The following PKIB variants were observed in gnomAD, a reference collection of about 807,000 sequenced individuals.
PKIB encodes the protein cAMP-dependent protein kinase inhibitor beta.
In PKIB, 2 loss-of-function variants were observed where a neutral mutation model predicts 4.5. The ratio of observed to expected loss-of-function variants is 0.44; its 90% confidence interval spans 0.18 to 1.39. PKIB has a LOEUF of 1.39. Ranked by LOEUF, PKIB falls within the 40% of genes most tolerant of loss-of-function variation. The pLI is 0.27. For synonymous variants in PKIB, 38 were observed against 36.0 expected, an observed-to-expected ratio of 1.06 and a Z score of -0.20; for missense variants, 94 against 92.6, an observed-to-expected ratio of 1.02 and a Z score of -0.06.
intron 2 of PKIB, among the ~76,000 whole-genome samples, chr6:122,666,670 T>A (rs147726873): frequency 2.0e-5 from 3 of 152,226 alleles, no homozygotes; most frequent in African/African-American, 7.2e-5. Flanking sequence ...AGTGAACATC[T>A]GGTATTAATC....
intron 2 of PKIB, among the ~76,000 whole-genome samples, chr6:122,492,812 G>A (rs1775976018): frequency 1.3e-5 from 2 of 150,230 alleles, no homozygotes; most frequent in Non-Finnish European, 3.0e-5. Flanking sequence ...TTCTTTACTG[G>A]AAGCTTTGGT....
In PKIB at chr6:122,530,870, C is replaced by T. The variant is rs777232661; in HGVS notation, c.-248+52931C>T. Among the ~76,000 whole-genome samples, 90 of 152,188 alleles carry T rather than the reference C, an allele frequency of 5.9e-4. 2 individuals are homozygous for T. The highest frequency in any genetic ancestry group is 1.9e-4 in the Non-Finnish European group (13 of 68,026). ...CTGCAATATGCCATTTAGTGGGAGA[C>T]ACATGAACAGACACATCAAATGCTG... On this transcript the variant is annotated intron_variant, in intron 2 of 6. Coordinates refer to the PKIB transcript ENST00000392491.
At chr6:122,539,763 C>A (rs377342208) in intron 2 of PKIB, among the ~76,000 whole-genome samples, 1 of 152,008 alleles carries the variant, frequency 6.6e-6, no homozygotes, top group Non-Finnish European at 1.5e-5. Flanking sequence ...ATGGTACCAG[C>A]TCCTCCTTGT....
intron 3 of PKIB, among the ~76,000 whole-genome samples, chr6:122,687,080 T>G (rs984516479): frequency 2.6e-5 from 4 of 152,186 alleles, no homozygotes; most frequent in African/African-American, 9.6e-5. Flanking sequence ...TGTTTTCCTT[T>G]AGTAGTTTCA....
rs530208687 is a variant in PKIB at position 122,541,145 on chromosome 6, G to A, written c.-247-44776G>A. Among the ~76,000 whole-genome samples, 1,011 of 151,846 alleles carry A rather than the reference G, an allele frequency of 6.7e-3. 13 individuals are homozygous for A. The highest frequency in any genetic ancestry group is 0.023 in the African/African-American group (966 of 41,318). Reference sequence around the variant, plus strand: ...TCTTGACTCTTTATCCAATTTGCCAGTCTGTGTCTTTTAATTGGAGCATTT... The same window carrying A: ...TCTTGACTCTTTATCCAATTTGCCAATCTGTGTCTTTTAATTGGAGCATTT... On this transcript the variant is annotated intron_variant, in intron 2 of 6. Coordinates refer to the PKIB transcript ENST00000392491.
intron 4 of PKIB, among the ~76,000 whole-genome samples, chr6:122,722,141 TTTTCC>T (rs1779770056): frequency 2.0e-5 from 3 of 152,154 alleles, no homozygotes. Context: ...TGAAAAATCA[TTTTCC>T]TTTCATTAAC....
Position 122,539,741 on chromosome 6 carries a change from G to C in PKIB, c.-247-46180G>C, listed in dbSNP as rs2114633374. Among the ~76,000 whole-genome samples, 2 of 152,106 alleles carry C rather than the reference G, an allele frequency of 1.3e-5. 1 individual carries two copies. The highest frequency in any genetic ancestry group is 4.8e-5 in the African/African-American group (2 of 41,408). Reference sequence around the variant, plus strand: ...CCCTCTTTTTCTATTGATTGGAATAGTTTCAGAAGGAATGGTACCAGCTCC... The same window carrying C: ...CCCTCTTTTTCTATTGATTGGAATACTTTCAGAAGGAATGGTACCAGCTCC... On this transcript the variant is annotated intron_variant, in intron 2 of 6. Transcript: ENST00000392491.
chr6:122,693,001 A>G (rs9490522), intron 3 of PKIB, among the ~76,000 whole-genome samples: 30,615 of 152,212 alleles, frequency 0.2, 3,539 homozygotes, highest in Non-Finnish European at 0.26. Context: ...TCCACGTTCC[A>G]TAGAGGATTT....
chr6:122,583,617 CAT>C (rs1397785419), intron 2 of PKIB, among the ~76,000 whole-genome samples: 2 of 152,076 alleles, frequency 1.3e-5, no homozygotes, highest in Non-Finnish European at 2.9e-5. Context: ...TGAATACGCA[CAT>C]ATACATTTTG....
At chr6:122,527,555 TA>T (rs1777129955) in intron 2 of PKIB, among the ~76,000 whole-genome samples, 1 of 152,100 alleles carries the variant, frequency 6.6e-6, no homozygotes, top group East Asian at 1.9e-4. Context: ...TGAAGAGAGA[TA>T]AGGGATTAAC....
chr6:122,712,620 T>G (rs1029154621), intron 3 of PKIB, among the ~76,000 whole-genome samples: 2 of 152,168 alleles, frequency 1.3e-5, no homozygotes, highest in African/African-American at 4.8e-5. Context: ...TTTTACTTCT[T>G]TGTTATTTTG....
Position 122,650,277 on chromosome 6 carries a change from C to T in PKIB, c.-76+16910C>T, listed in dbSNP as rs992059274. Among the ~76,000 whole-genome samples, 7 of 152,070 alleles carry T rather than the reference C, an allele frequency of 4.6e-5. No individual in the cohort carries two copies. In the East Asian group the frequency reaches 1.4e-3, roughly 29 times the overall value. Reference sequence around the variant, plus strand: ...CGAGTAAATGAGATGTGATGGGAATCATCACCCCTGCATCCTTCAAGCCCT... The same window carrying T: ...CGAGTAAATGAGATGTGATGGGAATTATCACCCCTGCATCCTTCAAGCCCT... On this transcript the variant is annotated intron_variant, in intron 2 of 4. Transcript: ENST00000368452.
chr6:122,622,577 G>C (rs1775282154), intron 1 of PKIB, among the ~76,000 whole-genome samples: 1 of 152,156 alleles, frequency 6.6e-6, no homozygotes, highest in South Asian at 2.1e-4. Flanking sequence ...GTGAGCTGGG[G>C]GTGCACTGGG....
intron 3 of PKIB, chr6:122,701,308 G>A (rs1778804741): frequency 2.9e-6 from 2 of 687,388 alleles, no homozygotes; most frequent in Admixed American, 2.5e-5. Context: ...AGCAATGTCT[G>A]TATTGCTGCT....
At chr6:122,497,879 G>A (rs1463797955) in intron 2 of PKIB, among the ~76,000 whole-genome samples, 1 of 152,062 alleles carries the variant, frequency 6.6e-6, no homozygotes, top group African/African-American at 2.4e-5. Flanking sequence ...GCATCTACAG[G>A]ACACTCTACC....
intron 3 of PKIB, among the ~76,000 whole-genome samples, chr6:122,684,102 A>T (rs531111093): frequency 6.6e-6 from 1 of 152,338 alleles, no homozygotes; most frequent in East Asian, 1.9e-4. Context: ...CAAATGCTGC[A>T]TGAGCTCACT....
chr6:122,698,877 T>G (rs1778684716), intron 3 of PKIB, among the ~76,000 whole-genome samples: 1 of 152,228 alleles, frequency 6.6e-6, no homozygotes, highest in Admixed American at 6.5e-5. Context: ...TTTGACAGTA[T>G]CAGGGATGGA....
At chr6:122,607,258 G>A (rs944024070), upstream of PKIB, among the ~76,000 whole-genome samples, 21 of 151,630 alleles carry the variant, frequency 1.4e-4, no homozygotes, top group Non-Finnish European at 2.8e-4. Flanking sequence ...TGGATCGCTT[G>A]AGCCCAGGAG....
At chr6:122,518,199 C>G (rs925903120) in intron 2 of PKIB, among the ~76,000 whole-genome samples, 5 of 152,076 alleles carry the variant, frequency 3.3e-5, no homozygotes, top group African/African-American at 9.7e-5. Flanking sequence ...ATTTGCCCAA[C>G]CATTTAAAAA....
Sources: allele counts gnomAD v4.1 joint callset (sites outside exome capture counted in the v4.1 genomes callset), GRCh38; gene constraint gnomAD v4.1.1; transcripts MANE v1.5; gene names NCBI Gene and HGNC (gene_info 2026-07-23, HGNC 2026-07-21).